Variants in FRY observed in about 807,000 individuals in gnomAD.
FRY encodes FRY microtubule binding protein.
Under a neutral mutation model 348.4 loss-of-function variants are expected in FRY, and 128 were observed. The observed-to-expected ratio is 0.37, with a 90% confidence interval of 0.32 to 0.43. FRY has a LOEUF of 0.43. FRY is among the 20% of genes least tolerant of loss of function. The pLI, the probability that FRY is intolerant of heterozygous loss-of-function variation, is 1.00. For missense variants in FRY, 2,736 were observed against 3,695.2 expected (o/e 0.74, Z 6.73); for synonymous variants, 1,370 against 1,374.7 (o/e 1.00, Z 0.08).
chr13:32,126,228 T>C (rs1326284800), intron 7 of FRY, among the ~76,000 whole-genome samples: 1 of 151,856 alleles, frequency 6.6e-6, no homozygotes, highest in Non-Finnish European at 1.5e-5. Context: ...ACCCTGAAAA[T>C]CTCAACATAA....
chr13:32,214,212 G>A (rs1304639225), intron 35 of FRY, among the ~76,000 whole-genome samples: 1 of 151,954 alleles, frequency 6.6e-6, no homozygotes, highest in Non-Finnish European at 1.5e-5. Context: ...TTTCTCCTCA[G>A]TCTACTTATC....
intron 16 of FRY, among the ~76,000 whole-genome samples, chr13:32,159,979 A>C (rs1203212239): frequency 6.6e-6 from 1 of 152,176 alleles, no homozygotes; most frequent in Non-Finnish European, 1.5e-5. Flanking sequence ...TTATTAAGAA[A>C]ATAATCTTAT....
chr13:32,058,803 T>A (rs1873777733), intron 1 of FRY, among the ~76,000 whole-genome samples: 1 of 152,232 alleles, frequency 6.6e-6, no homozygotes, highest in South Asian at 2.1e-4. Flanking sequence ...TATACATTAT[T>A]TGAGGCATCT....
chr13:32,154,670 A>C (rs1490244118), intron 14 of FRY, among the ~76,000 whole-genome samples: 1 of 152,250 alleles, frequency 6.6e-6, no homozygotes, highest in African/African-American at 2.4e-5. Flanking sequence ...AATTATTTTC[A>C]TCAGTCCTAG....
intron 2 of FRY, among the ~76,000 whole-genome samples, chr13:32,082,234 A>C (rs796274355): frequency 6.6e-6 from 1 of 151,608 alleles, no homozygotes; most frequent in East Asian, 1.9e-4. Context: ...AAAAAAAAAA[A>C]AAAACAGGAA....
At chr13:32,186,558 A>T in intron 27 of FRY, 138 bp downstream of exon 27, 2 of 688,540 alleles carry the variant, frequency 2.9e-6, no homozygotes, top group Non-Finnish European at 5.2e-6. Flanking sequence ...ATACAAAAAA[A>T]TCACATGGAC....
At chr13:32,196,343 T>A (rs1883676036) in intron 29 of FRY, among the ~76,000 whole-genome samples, 1 of 152,216 alleles carries the variant, frequency 6.6e-6, no homozygotes, top group Non-Finnish European at 1.5e-5. Context: ...AGTTTATAAG[T>A]ACATTTATTT....
chr13:32,092,417 T>G lies in FRY; in HGVS notation c.271-9546T>G, dbSNP rs182254498. 2.0e-5 allele frequency among the ~76,000 whole-genome samples: 3 copies of G among 152,336 alleles called. No homozygotes were observed. In the East Asian group the frequency reaches 5.8e-4, roughly 29 times the overall value. ...ACAGAGATGTATGATATGAAAAGAT[T>G]GTGAAGTGAAGATGTAATTCGTGTA... On this transcript the variant is annotated intron_variant, in intron 2 of 60. Coordinates refer to ENST00000542859, the MANE Select transcript of FRY (RefSeq NM_023037.3).
At chr13:32,151,785 G>A (rs1350001966) in intron 14 of FRY, among the ~76,000 whole-genome samples, 3 of 152,104 alleles carry the variant, frequency 2.0e-5, no homozygotes, top group Non-Finnish European at 4.4e-5. Context: ...ACCTGAAGTC[G>A]GAGGTCTTAT....
At chr13:32,040,823 A>G (rs1253576474) in intron 1 of FRY, among the ~76,000 whole-genome samples, 1 of 152,214 alleles carries the variant, frequency 6.6e-6, no homozygotes, top group African/African-American at 2.4e-5. Context: ...TTTTAAATAT[A>G]TGATGATACA....
At chr13:32,033,169 T>G (rs1426856066) in intron 1 of FRY, among the ~76,000 whole-genome samples, 1 of 152,238 alleles carries the variant, frequency 6.6e-6, no homozygotes, top group Non-Finnish European at 1.5e-5. Flanking sequence ...AACAGCATTC[T>G]TTACTTGTCA....
Position 32,254,610 on chromosome 13 carries a change from G to C in FRY, c.7416+216G>C, listed in dbSNP as rs74044958. Among the ~76,000 whole-genome samples the C allele has an allele frequency of 2.9e-3, 443 of 152,170 alleles. 2 individuals are homozygous for C. Among genetic ancestry groups the C allele is most frequent in the African/African-American group, 0.01 (419 of 41,494 alleles). ...CTGAGCCCACGGCAAAAGCTGCCAA[G>C]TTATTTCTAAACGGCAAAGACCTGA... On this transcript the variant is annotated intron_variant, in intron 51 of 60. Transcript: ENST00000542859.
At chr13:32,033,259 C>A (rs1296445912) in intron 1 of FRY, among the ~76,000 whole-genome samples, 1 of 152,114 alleles carries the variant, frequency 6.6e-6, no homozygotes, top group African/African-American at 2.4e-5. Context: ...TGTCTATCTG[C>A]TCTTTGATTA....
rs771688279 is a variant in FRY, at chr13:32,178,432, C to A, written c.2677C>A (p.Pro893Thr). 6.2e-7 allele frequency: 1 copy of A among 1,614,118 alleles called. No individual in the cohort carries two copies. The highest frequency in any genetic ancestry group is 8.5e-7 in the Non-Finnish European group (1 of 1,179,986). The change falls in exon 21 of 61, where the codon CCA becomes ACA. Residue 893 changes from proline to threonine, a missense_variant. Pro to Thr is a conservative substitution (Grantham distance 38, BLOSUM62 -1). Coordinates refer to ENST00000542859, the MANE Select transcript of FRY (RefSeq NM_023037.3). ...RLQSVMPLVD[P>T]NSPINAKKTS... ...CCAGTCGGTGATGCCTCTGGTGGAC[C>A]CAAAGTAAGGGATTCTTGTGTTTTC... is the stretch of plus-strand genomic sequence containing the variant.
At chr13:32,263,191 C>T (rs1440484185) in intron 53 of FRY, among the ~76,000 whole-genome samples, 1 of 152,072 alleles carries the variant, frequency 6.6e-6, no homozygotes, top group Non-Finnish European at 1.5e-5. Context: ...TAATCTATTA[C>T]CATTAAGATA....
chr13:32,132,375 T>C (rs988343081), intron 8 of FRY, among the ~76,000 whole-genome samples: 3 of 151,988 alleles, frequency 2.0e-5, no homozygotes, highest in African/African-American at 4.8e-5. Context: ...TACAAAACTT[T>C]GGTATTTGAA....
At chr13:32,128,424 C>T (rs973080981) in intron 7 of FRY, among the ~76,000 whole-genome samples, 1 of 152,222 alleles carries the variant, frequency 6.6e-6, no homozygotes, top group African/African-American at 2.4e-5. Context: ...GGTGCTAACA[C>T]ATAGTAGGCC....
chr13:32,115,365 T>C (rs2138685382), intron 3 of FRY, among the ~76,000 whole-genome samples: 1 of 152,292 alleles, frequency 6.6e-6, no homozygotes, highest in East Asian at 1.9e-4. Context: ...GATCACAGAA[T>C]GCCTGGAATC....
At chr13:32,076,207 A>T (rs1308866434) in intron 1 of FRY, among the ~76,000 whole-genome samples, 1 of 152,204 alleles carries the variant, frequency 6.6e-6, no homozygotes, top group Non-Finnish European at 1.5e-5. Context: ...TCATGCAATT[A>T]TGGATCTTGT....
Sources: allele counts gnomAD v4.1 joint callset (sites outside exome capture counted in the v4.1 genomes callset), GRCh38; gene constraint gnomAD v4.1.1; transcripts MANE v1.5; gene names NCBI Gene and HGNC (gene_info 2026-07-23, HGNC 2026-07-21).